Variants in SPATA17 observed in about 807,000 individuals in gnomAD.
SPATA17 encodes the protein spermatogenesis-associated protein 17.
In SPATA17, 53 loss-of-function variants were observed where a neutral mutation model predicts 62.2. That is an observed-to-expected ratio of 0.85 (90% CI 0.68 to 1.07). SPATA17 has a LOEUF of 1.07. Ranked by LOEUF, SPATA17 falls within the 50% of genes least tolerant of loss-of-function variation. The probability of loss-of-function intolerance (pLI) is 0.00; values close to 1 mark genes in which losing one functional copy is unlikely to be tolerated. For synonymous variants in SPATA17, 146 were observed against 146.8 expected (o/e 0.99, Z 0.04); for missense variants, 466 against 425.5 (o/e 1.10, Z -0.84).
intron 5 of SPATA17, among the ~76,000 whole-genome samples, chr1:217,720,859 C>T (rs998620592): frequency 7.2e-5 from 11 of 152,120 alleles, no homozygotes; most frequent in African/African-American, 2.7e-4. Context: ...ATTCACACTC[C>T]AGCGGAGAGG....
At chr1:217,860,554 T>A (rs1287705564) in intron 9 of SPATA17, among the ~76,000 whole-genome samples, 1 of 152,184 alleles carries the variant, frequency 6.6e-6, no homozygotes, top group Non-Finnish European at 1.5e-5. Context: ...CCTCATAGAT[T>A]TTCACACTCT....
chr1:217,815,716 G>T (rs983173273), intron 9 of SPATA17, among the ~76,000 whole-genome samples: 10 of 152,096 alleles, frequency 6.6e-5, no homozygotes, highest in Admixed American at 1.3e-4. Flanking sequence ...TAAGTTAGTG[G>T]TTTTAAGAAC....
At chr1:217,644,769 G>T (rs763845775) in intron 1 of SPATA17, among the ~76,000 whole-genome samples, 1 of 151,766 alleles carries the variant, frequency 6.6e-6, no homozygotes, top group Non-Finnish European at 1.5e-5. Context: ...GTTATTTCTT[G>T]ATGTTTTATT....
chr1:217,730,304 G>C (rs1469467983), intron 5 of SPATA17, among the ~76,000 whole-genome samples: 2 of 149,518 alleles, frequency 1.3e-5, no homozygotes, highest in Non-Finnish European at 3.0e-5. Context: ...TGCAACCTCT[G>C]TCTCCCGGGT....
rs1670721810 is a variant in SPATA17, at chr1:217,667,281, T to C, written c.241-1752T>C. Among the ~76,000 whole-genome samples the C allele has an allele frequency of 2.0e-5, 3 of 152,032 alleles. No homozygotes were observed. The South Asian group carries it at 6.2e-4, about 32-fold the overall frequency. On this transcript the variant is annotated intron_variant, in intron 3 of 10. Coordinates refer to ENST00000366933, the MANE Select transcript of SPATA17 (RefSeq NM_138796.4). ...CCAGGCTGGTCTCGAACTCCTGACC[T>C]CGTGAGTCGCCTGCCTCGGCCTCCC...
rs1339837626 is a variant in SPATA17 at position 217,693,217 on chromosome 1, T to C, written c.395+9856T>C. ...ATTCAGCTTCTTCCTGGTTTAGTCTTGGGAGAGTGTATGTGTCGAGGAATG... is the reference window on the plus strand; with the variant it reads ...ATTCAGCTTCTTCCTGGTTTAGTCTCGGGAGAGTGTATGTGTCGAGGAATG... On this transcript the variant is annotated intron_variant, in intron 5 of 10. Coordinates refer to ENST00000366933, the MANE Select transcript of SPATA17 (RefSeq NM_138796.4). 1.5e-3 allele frequency among the ~76,000 whole-genome samples: 233 copies of C among 150,684 alleles called. 1 individual carries two copies. Among genetic ancestry groups the C allele is most frequent in the African/African-American group, 5.5e-3 (224 of 41,018 alleles).
At chr1:217,699,376 T>C (rs1671539159) in intron 5 of SPATA17, among the ~76,000 whole-genome samples, 1 of 152,234 alleles carries the variant, frequency 6.6e-6, no homozygotes, top group African/African-American at 2.4e-5. Context: ...TTATTATTTT[T>C]ATGTTTAAAA....
rs573556849 is a variant in SPATA17 at position 217,871,548 on chromosome 1, C to A, written c.*4529C>A. ...GGAGCAGTATTGCTGGATCAGAATTCACTTTTTCCAAGTTACAGATTTTAA... is the reference window on the plus strand; with the variant it reads ...GGAGCAGTATTGCTGGATCAGAATTAACTTTTTCCAAGTTACAGATTTTAA... On this transcript the variant is annotated 3_prime_UTR_variant, in exon 11 of 11. Coordinates refer to ENST00000366933, the MANE Select transcript of SPATA17 (RefSeq NM_138796.4). 5.9e-5 allele frequency: 9 copies of A among 152,202 alleles called. No individual in the cohort carries two copies. In the East Asian group the frequency reaches 1.7e-3, roughly 29 times the overall value. The allele number at this position is 152,202 out of a possible 1,614,324, so 9.4% of individuals were successfully genotyped here.
chr1:217,736,643 G>A lies in SPATA17; in HGVS notation c.396-5332G>A, dbSNP rs143663385. ...TGAAGCATAGTGATCCTGGGAGAGA[G>A]CAACATGAAGTGAGAGGGAGAGAGA... On this transcript the variant is annotated intron_variant, in intron 5 of 10. Transcript: ENST00000366933. Among the ~76,000 whole-genome samples the A allele has an allele frequency of 1.6e-3, 240 of 152,248 alleles. 1 individual carries two copies. Among genetic ancestry groups the A allele is most frequent in the African/African-American group, 5.6e-3 (232 of 41,546 alleles).
chr1:217,683,392 A>G, intron 5 of SPATA17, 31 bp downstream of exon 5: 1 of 1,382,618 alleles, frequency 7.2e-7, no homozygotes, highest in Non-Finnish European at 1.0e-6. Context: ...TTCACTAGGG[A>G]AAACTTTGGA....
intron 9 of SPATA17, among the ~76,000 whole-genome samples, chr1:217,823,448 G>T (rs1286796934): frequency 6.6e-6 from 1 of 151,578 alleles, no homozygotes; most frequent in Non-Finnish European, 1.5e-5. Flanking sequence ...TTTTCACTCT[G>T]CTCTAGTTCT....
intron 8 of SPATA17, among the ~76,000 whole-genome samples, chr1:217,793,602 A>G (rs928415201): frequency 1.3e-5 from 2 of 152,096 alleles, no homozygotes; most frequent in Non-Finnish European, 2.9e-5. Flanking sequence ...TCTCAATCAC[A>G]GTTAGTTTGG....
At chr1:217,793,221 G>GTTTTTT in intron 8 of SPATA17, among the ~76,000 whole-genome samples, 1 of 127,164 alleles carries the variant, frequency 7.9e-6, no homozygotes. Flanking sequence ...AGTGGTTTTT[G>GTTTTTT]TTTTTTTTTT....
At chr1:217,803,096 T>C (rs1453317964) in intron 9 of SPATA17, among the ~76,000 whole-genome samples, 3 of 152,124 alleles carry the variant, frequency 2.0e-5, no homozygotes, top group Admixed American at 2.0e-4. Flanking sequence ...GTATTTTCAG[T>C]AGAGACAGGG....
chr1:217,869,577 C>T lies in SPATA17; in HGVS notation c.*2558C>T, dbSNP rs1174242296. 1 of 152,064 alleles carries T rather than the reference C, an allele frequency of 6.6e-6. No individual in the cohort carries two copies. Among genetic ancestry groups the T allele is most frequent in the Non-Finnish European group, 1.5e-5 (1 of 68,018 alleles). The allele number at this position is 152,064 out of a possible 1,614,324, so 9.4% of individuals were successfully genotyped here. A position where few individuals can be genotyped will look rare whatever the true frequency, so the allele number is the denominator to read the frequency against. ...ATATATATTTTAGGGTAAAATGCCT[C>T]AATTTATTTCAAGGCCTGATATTTG... On this transcript the variant is annotated 3_prime_UTR_variant, in exon 11 of 11. Transcript: ENST00000366933.
At chr1:217,861,306 C>T (rs573299832) in intron 9 of SPATA17, among the ~76,000 whole-genome samples, 1 of 151,276 alleles carries the variant, frequency 6.6e-6, no homozygotes, top group South Asian at 2.1e-4. Context: ...ATTTCTAACC[C>T]ATATCATTTG....
At chr1:217,850,579 G>T (rs1314624824) in intron 9 of SPATA17, 1 of 1,596,246 alleles carries the variant, frequency 6.3e-7, no homozygotes, top group East Asian at 2.2e-5. Flanking sequence ...GTGTCACTGG[G>T]CTCCACTTCA....
At chr1:217,777,024 G>A (rs763769924) in intron 7 of SPATA17, among the ~76,000 whole-genome samples, 1 of 151,146 alleles carries the variant, frequency 6.6e-6, no homozygotes. Flanking sequence ...AAGACTACCC[G>A]ACGGTGTGGA....
chr1:217,645,770 C>A (rs1287076709), intron 1 of SPATA17, among the ~76,000 whole-genome samples: 1 of 152,036 alleles, frequency 6.6e-6, no homozygotes, highest in African/African-American at 2.4e-5. Flanking sequence ...TTCCACTATC[C>A]CATCTTGTTA....
Sources: allele counts gnomAD v4.1 joint callset (sites outside exome capture counted in the v4.1 genomes callset), GRCh38; gene constraint gnomAD v4.1.1; transcripts MANE v1.5; gene names NCBI Gene and HGNC (gene_info 2026-07-23, HGNC 2026-07-21).